Variants in ATP2C1 observed in about 807,000 individuals in gnomAD.
ATP2C1 encodes the protein calcium-transporting ATPase type 2C member 1.
ATP2C1 carries 31 observed loss-of-function variants against 120.5 expected under a neutral mutation model. That is an observed-to-expected ratio of 0.26 (90% confidence interval 0.19 to 0.35). The LOEUF (loss-of-function observed/expected upper bound fraction) is 0.35, where lower values mean the gene tolerates loss of function less well. Ranked by LOEUF, ATP2C1 falls within the 10% of genes least tolerant of loss-of-function variation. The pLI, the probability that ATP2C1 is intolerant of heterozygous loss-of-function variation, is 1.00. For missense variants in ATP2C1, 731 were observed against 1,107.5 expected (o/e 0.66, Z 4.83); for synonymous variants, 351 against 358.7 (o/e 0.98, Z 0.24).
At chr3:130,857,440 A>G (rs2107703722) in intron 1 of ATP2C1, among the ~76,000 whole-genome samples, 1 of 151,980 alleles carries the variant, frequency 6.6e-6, no homozygotes, top group East Asian at 1.9e-4. Flanking sequence ...TCTATCACCA[A>G]CTCCATTCAA....
At chr3:130,933,455 C>T (rs944899352) in intron 4 of ATP2C1, among the ~76,000 whole-genome samples, 3 of 152,088 alleles carry the variant, frequency 2.0e-5, no homozygotes, top group Non-Finnish European at 4.4e-5. Flanking sequence ...ATCCTTATAA[C>T]AGTTCTTTGG....
chr3:130,983,864 A>G (rs2061883175), intron 20 of ATP2C1, among the ~76,000 whole-genome samples: 1 of 152,166 alleles, frequency 6.6e-6, no homozygotes, highest in African/African-American at 2.4e-5. Context: ...GTGAGCACTA[A>G]ATAATATTCC....
chr3:130,968,751 T>G (rs2061162029), intron 16 of ATP2C1, among the ~76,000 whole-genome samples: 1 of 152,138 alleles, frequency 6.6e-6, no homozygotes, highest in South Asian at 2.1e-4. Context: ...TTTTTGATAT[T>G]TGGAAGATAT....
intron 1 of ATP2C1, among the ~76,000 whole-genome samples, chr3:130,887,330 GTACCACCCA>G (rs1307921246): frequency 6.6e-6 from 1 of 152,124 alleles, no homozygotes; most frequent in East Asian, 1.9e-4. Context: ...CACTACCTGG[GTACCACCCA>G]TGTTCACTCA....
chr3:130,997,830 TACCCAGAAGGC>T lies in ATP2C1; in HGVS notation c.2391+78_2391+88del, dbSNP rs1421397514. 9.2e-6 allele frequency: 14 copies of T among 1,521,506 alleles called. No individual in the cohort carries two copies. In the African/African-American group the frequency reaches 1.8e-4, roughly 19 times the overall value. The allele number at this position is 1,521,506 out of a possible 1,614,324, so 94.3% of individuals were successfully genotyped here. On this transcript the variant is annotated intron_variant, in intron 25 of 27. Transcript: ENST00000510168. ...AGGATTCTTAGTTATTTTGATGGGT[TACCCAGAAGGC>T]TGGGAAGTTAAGGGAGCTCTTTTAG...
At chr3:130,992,466 G>GAA (rs1434035321) in intron 20 of ATP2C1, among the ~76,000 whole-genome samples, 5 of 152,166 alleles carry the variant, frequency 3.3e-5, no homozygotes, top group Non-Finnish European at 1.5e-5. Flanking sequence ...AAGTACAGTG[G>GAA]AAGAGAGGCT....
At chr3:130,851,822 A>G (rs2107682019) in intron 1 of ATP2C1, among the ~76,000 whole-genome samples, 1 of 152,334 alleles carries the variant, frequency 6.6e-6, no homozygotes, top group East Asian at 1.9e-4. Context: ...GCTTGTAACT[A>G]GAACTGCAAA....
intron 23 of ATP2C1, chr3:130,996,313 T>G: frequency 1.7e-6 from 1 of 602,410 alleles, no homozygotes; most frequent in East Asian, 2.8e-5. Flanking sequence ...GTTAGATGTC[T>G]GTATCATCAA....
At chr3:130,949,683 C>A (rs147285283) in intron 8 of ATP2C1, among the ~76,000 whole-genome samples, 1 of 152,276 alleles carries the variant, frequency 6.6e-6, no homozygotes, top group Non-Finnish European at 1.5e-5. Context: ...ATGTAAGCAT[C>A]TACCACGGGA....
chr3:130,957,415 A>G (rs1221668048), intron 11 of ATP2C1, among the ~76,000 whole-genome samples: 2 of 152,010 alleles, frequency 1.3e-5, no homozygotes, highest in Non-Finnish European at 2.9e-5. Context: ...TCTGTAATCC[A>G]GTCTTTATTC....
chr3:130,987,221 C>G (rs2062063003), intron 20 of ATP2C1, among the ~76,000 whole-genome samples: 1 of 152,086 alleles, frequency 6.6e-6, no homozygotes, highest in African/African-American at 2.4e-5. Context: ...TGGTCCTGAA[C>G]TTCTGGGCTC....
At chr3:130,960,660 A>G (rs2060780049) in intron 12 of ATP2C1, among the ~76,000 whole-genome samples, 2 of 152,186 alleles carry the variant, frequency 1.3e-5, no homozygotes, top group Admixed American at 1.3e-4. Context: ...AGATTATTTT[A>G]TTAACTGTTC....
At position 130,979,564 on chromosome 3, in the gene ATP2C1, T is replaced by C. The variant is rs1481272440; in HGVS notation, c.1741+145T>C. 5 of 919,154 alleles carry C rather than the reference T, an allele frequency of 5.4e-6. No homozygotes were observed. In the African/African-American group the frequency reaches 6.7e-5, roughly 12 times the overall value. 56.9% of individuals were successfully genotyped at this position (919,154 alleles called of 1,614,324 possible). A position where few individuals can be genotyped will look rare whatever the true frequency, so the allele number is the denominator to read the frequency against. On this transcript the variant is annotated intron_variant, in intron 19 of 27. Coordinates refer to ENST00000510168, the MANE Select transcript of ATP2C1 (RefSeq NM_001378687.1). Reference sequence around the variant, plus strand: ...TCGACTCATGGTTTTGCTCATGGTCTATATAAAGTTGGCAAAACTGATTAT... The same window carrying C: ...TCGACTCATGGTTTTGCTCATGGTCCATATAAAGTTGGCAAAACTGATTAT...
intron 8 of ATP2C1, among the ~76,000 whole-genome samples, chr3:130,948,190 T>G (rs981189078): frequency 6.6e-6 from 1 of 152,194 alleles, no homozygotes; most frequent in African/African-American, 2.4e-5. Flanking sequence ...ACTTTCTACT[T>G]TCTTATTTCA....
At chr3:130,917,265 T>C (rs1463882346) in intron 2 of ATP2C1, among the ~76,000 whole-genome samples, 4 of 152,256 alleles carry the variant, frequency 2.6e-5, no homozygotes, top group Non-Finnish European at 4.4e-5. Flanking sequence ...TTTTGACTTG[T>C]TACTTTCAAC....
intron 2 of ATP2C1, among the ~76,000 whole-genome samples, chr3:130,906,645 A>G (rs1259600368): frequency 6.9e-6 from 1 of 145,410 alleles, no homozygotes; most frequent in Admixed American, 6.9e-5. Context: ...CTTTTAATTA[A>G]TTTCTCCACA....
intron 2 of ATP2C1, among the ~76,000 whole-genome samples, chr3:130,902,151 GA>G (rs2057864253): frequency 6.6e-6 from 1 of 151,972 alleles, no homozygotes; most frequent in African/African-American, 2.4e-5. Context: ...GTTAGAATTA[GA>G]CCAGGCAGGG....
intron 8 of ATP2C1, among the ~76,000 whole-genome samples, chr3:130,947,452 C>T (rs1297401300): frequency 6.6e-6 from 1 of 152,144 alleles, no homozygotes; most frequent in Non-Finnish European, 1.5e-5. Context: ...TTCCCTGCCT[C>T]TAGCAGCCAC....
chr3:130,930,651 A>G (rs1576763932), intron 3 of ATP2C1, 125 bp downstream of exon 3: 3 of 734,860 alleles, frequency 4.1e-6, no homozygotes, highest in Middle Eastern at 2.5e-4. Flanking sequence ...GCCATTCAGC[A>G]TAGTAGCCAC....
Sources: allele counts gnomAD v4.1 joint callset (sites outside exome capture counted in the v4.1 genomes callset), GRCh38; gene constraint gnomAD v4.1.1; transcripts MANE v1.5; gene names NCBI Gene and HGNC (gene_info 2026-07-23, HGNC 2026-07-21).